The following BCKDHB variants were observed in gnomAD, a reference collection of about 807,000 sequenced individuals.
BCKDHB encodes 2-oxoisovalerate dehydrogenase subunit beta, mitochondrial.
In BCKDHB, 41 loss-of-function variants were observed where a neutral mutation model predicts 48.5. The observed-to-expected ratio is 0.85, with a 90% CI of 0.66 to 1.10. BCKDHB has a LOEUF of 1.10. BCKDHB is among the 50% of genes least tolerant of loss of function. BCKDHB has a pLI of 0.00. For synonymous variants in BCKDHB, 201 were observed against 174.8 expected (o/e 1.15, Z -1.18); for missense variants, 496 against 494.2 (o/e 1.00, Z -0.03).
At chr6:80,158,979 C>G in intron 3 of BCKDHB, among the ~76,000 whole-genome samples, 1 of 152,124 alleles carries the variant, frequency 6.6e-6, no homozygotes, top group East Asian at 1.9e-4. Context: ...TCATGAGTAG[C>G]CTAATTTACG....
intron 3 of BCKDHB, among the ~76,000 whole-genome samples, chr6:80,140,791 T>C (rs879581041): frequency 1.5e-4 from 23 of 152,342 alleles, no homozygotes; most frequent in Non-Finnish European, 2.6e-4. Context: ...TCTGCCTGGC[T>C]TTGGTATCAG....
chr6:80,411,537 C>G, the BCKDHB span, among the ~76,000 whole-genome samples: 1 of 152,246 alleles, frequency 6.6e-6, no homozygotes, highest in South Asian at 2.1e-4. Flanking sequence ...AAGTAGTCTG[C>G]TGGCTTTTGC....
the BCKDHB span, among the ~76,000 whole-genome samples, chr6:80,418,056 C>T: frequency 4.6e-5 from 7 of 151,708 alleles, no homozygotes; most frequent in East Asian, 1.2e-3. Flanking sequence ...CTTTTTTTGT[C>T]TCACTATCTT....
At chr6:80,142,421 T>C (rs549007315) in intron 3 of BCKDHB, among the ~76,000 whole-genome samples, 1 of 152,146 alleles carries the variant, frequency 6.6e-6, no homozygotes, top group South Asian at 2.1e-4. Context: ...AGCTGACCCA[T>C]ACGTAAAGGT....
At chr6:80,252,700 A>C (rs929461309) in intron 8 of BCKDHB, among the ~76,000 whole-genome samples, 28 of 152,206 alleles carry the variant, frequency 1.8e-4, no homozygotes, top group African/African-American at 6.3e-4. Context: ...ATCTAAACCT[A>C]ATTTCTTAAC....
chr6:80,218,205 C>T (rs2127854392), intron 8 of BCKDHB, among the ~76,000 whole-genome samples: 1 of 152,134 alleles, frequency 6.6e-6, no homozygotes, highest in South Asian at 2.1e-4. Flanking sequence ...AGTCCATTCC[C>T]TCATGTGTTT....
intron 5 of BCKDHB, chr6:80,169,752 T>C: frequency 6.6e-7 from 1 of 1,511,422 alleles, no homozygotes; most frequent in South Asian, 1.2e-5. Flanking sequence ...ACCACATGAA[T>C]TGATTGTGAG....
At chr6:80,126,043 A>T (rs1770324100) in intron 1 of BCKDHB, among the ~76,000 whole-genome samples, 1 of 152,194 alleles carries the variant, frequency 6.6e-6, no homozygotes, top group African/African-American at 2.4e-5. Context: ...GAAGAAAAAT[A>T]AATTTTTAAG....
chr6:80,228,679 T>C (rs1775780177), intron 8 of BCKDHB, among the ~76,000 whole-genome samples: 2 of 152,286 alleles, frequency 1.3e-5, no homozygotes, highest in African/African-American at 2.4e-5. Flanking sequence ...TTAGGTGGGC[T>C]TGGGGTGGGG....
chr6:80,381,928 G>A, the BCKDHB span, among the ~76,000 whole-genome samples: 5 of 132,780 alleles, frequency 3.8e-5, no homozygotes, highest in South Asian at 2.4e-4. Flanking sequence ...AACCTAAAAC[G>A]GTAAACTTGT....
intron 8 of BCKDHB, among the ~76,000 whole-genome samples, chr6:80,218,261 A>G (rs192683999): frequency 6.6e-6 from 1 of 151,956 alleles, no homozygotes; most frequent in East Asian, 1.9e-4. Flanking sequence ...TCACATCTTT[A>G]TCTTGGCTAT....
chr6:80,142,262 T>C (rs751604721), intron 3 of BCKDHB, among the ~76,000 whole-genome samples: 2 of 152,086 alleles, frequency 1.3e-5, no homozygotes, highest in African/African-American at 2.4e-5. Context: ...TACAAATATA[T>C]ATTGAAATTT....
rs79958848 is a variant in BCKDHB at position 80,175,902 on chromosome 6, C to T, written c.742+4512C>T. ...GTTTGATGCTATAACCTGAAGTCCACGGGGAAGACTGTGAGGAAAGGAAGA... is the reference window on the plus strand; with the variant it reads ...GTTTGATGCTATAACCTGAAGTCCATGGGGAAGACTGTGAGGAAAGGAAGA... On this transcript the variant is annotated intron_variant, in intron 6 of 9. Coordinates refer to ENST00000320393, the MANE Select transcript of BCKDHB (RefSeq NM_183050.4). Among the ~76,000 whole-genome samples the T allele has an allele frequency of 9.4e-3, 1,424 of 152,092 alleles. 30 individuals are homozygous for T. Among genetic ancestry groups the T allele is most frequent in the African/African-American group, 0.033 (1,353 of 41,478 alleles).
chr6:80,236,582 T>G (rs1391129396), intron 8 of BCKDHB, among the ~76,000 whole-genome samples: 2 of 152,202 alleles, frequency 1.3e-5, no homozygotes, highest in African/African-American at 4.8e-5. Flanking sequence ...TAACATATAT[T>G]TACTCATTTA....
chr6:80,346,702 A>G (rs1377933100), downstream of BCKDHB, among the ~76,000 whole-genome samples: 2 of 152,214 alleles, frequency 1.3e-5, no homozygotes, highest in Non-Finnish European at 2.9e-5. Context: ...ATAAAAAGAA[A>G]AAACAACAGT....
chr6:80,335,126 G>T (rs1420859507), intron 9 of BCKDHB, among the ~76,000 whole-genome samples: 1 of 148,812 alleles, frequency 6.7e-6, no homozygotes, highest in Non-Finnish European at 1.5e-5. Flanking sequence ...TATGTTTTCT[G>T]TTTCGTGAGA....
chr6:80,416,846 G>A, the BCKDHB span, among the ~76,000 whole-genome samples: 1 of 149,452 alleles, frequency 6.7e-6, no homozygotes, highest in Non-Finnish European at 1.5e-5. Flanking sequence ...TTTTTTGTTT[G>A]TCTGGTGGAG....
chr6:80,137,677 TG>T (rs1770956113), intron 3 of BCKDHB, among the ~76,000 whole-genome samples: 1 of 152,176 alleles, frequency 6.6e-6, no homozygotes, highest in African/African-American at 2.4e-5. Flanking sequence ...GAGATATTTT[TG>T]GTTGTCATAC....
chr6:80,188,333 A>G (rs1349392212), intron 6 of BCKDHB, among the ~76,000 whole-genome samples: 2 of 152,170 alleles, frequency 1.3e-5, no homozygotes, highest in African/African-American at 2.4e-5. Context: ...AAAGAGAACA[A>G]CAGACACTGG....
Sources: gnomAD v4.1 joint callset for allele counts (sites outside exome capture counted in the v4.1 genomes callset) on GRCh38, gnomAD v4.1.1 for gene constraint, MANE v1.5 for transcripts, NCBI Gene and HGNC (gene_info 2026-07-23, HGNC 2026-07-21) for gene names.